CSMD1: variants seen among roughly 807,000 people sequenced by gnomAD.
The protein encoded by CSMD1 is CUB and Sushi multiple domains 1.
Under a neutral mutation model 417.5 loss-of-function variants are expected in CSMD1, and 213 were observed. The observed-to-expected ratio is 0.51, with a 90% CI of 0.46 to 0.57. The LOEUF is 0.57. Among genes scored for constraint, CSMD1 ranks in the 20% least tolerant of loss-of-function variants. The pLI, the probability that CSMD1 is intolerant of heterozygous loss-of-function variation, is 0.00. For missense variants in CSMD1, 6,923 were observed against 4,529.7 expected (o/e 1.53, Z -15.17); for synonymous variants, 2,862 against 1,736.8 (o/e 1.65, Z -16.11).
chr8:3,487,666 A>G (rs893312301), intron 11 of CSMD1, among the ~76,000 whole-genome samples: 2 of 152,168 alleles, frequency 1.3e-5, no homozygotes, highest in East Asian at 3.9e-4. Context: ...TGCCAGATAG[A>G]ATTTTCAAAG....
chr8:4,979,320 T>C (rs935684421), intron 1 of CSMD1, among the ~76,000 whole-genome samples: 5 of 152,194 alleles, frequency 3.3e-5, no homozygotes, highest in African/African-American at 1.2e-4. Flanking sequence ...TTGTAATCCT[T>C]ATGATATTGA....
chr8:3,913,428 A>C (rs1401734766), intron 5 of CSMD1, among the ~76,000 whole-genome samples: 1 of 152,162 alleles, frequency 6.6e-6, no homozygotes, highest in Non-Finnish European at 1.5e-5. Context: ...TGTGTCCCAG[A>C]AGCAACCAGC....
At chr8:3,696,388 T>G (rs1263006327) in intron 7 of CSMD1, among the ~76,000 whole-genome samples, 1 of 152,224 alleles carries the variant, frequency 6.6e-6, no homozygotes, top group Non-Finnish European at 1.5e-5. Flanking sequence ...TACTTTCACA[T>G]ATCTTCAAAC....
Position 4,683,213 on chromosome 8 carries a change from T to C in CSMD1, c.86-45655A>G, listed in dbSNP as rs1207371282. Among the ~76,000 whole-genome samples the C allele has an allele frequency of 2.6e-5, 4 of 152,042 alleles. No individual in the cohort carries two copies. In the East Asian group the frequency reaches 7.7e-4, roughly 29 times the overall value. The stretch of plus-strand genomic sequence containing the variant: ...GTAATATGTTCATGAAACAACTTAG[T>C]ATTACCATGAAGAGTCTAATGATCT... On this transcript the variant is annotated intron_variant, in intron 1 of 69. Transcript: ENST00000635120.
At chr8:4,973,266 A>T (rs1810349773) in intron 1 of CSMD1, among the ~76,000 whole-genome samples, 1 of 152,118 alleles carries the variant, frequency 6.6e-6, no homozygotes, top group Non-Finnish European at 1.5e-5. Context: ...GAGGGCAGGG[A>T]CTTTATCTCA....
chr8:3,374,594 T>C (rs908227695), intron 18 of CSMD1, among the ~76,000 whole-genome samples: 2 of 152,164 alleles, frequency 1.3e-5, no homozygotes, highest in East Asian at 1.9e-4. Flanking sequence ...AAGTGATGAA[T>C]GCACATCCTG....
chr8:3,808,511 AGCAT>A (rs1290128987), intron 5 of CSMD1, among the ~76,000 whole-genome samples: 1 of 152,188 alleles, frequency 6.6e-6, no homozygotes, highest in Non-Finnish European at 1.5e-5. Flanking sequence ...AAAGACTAAG[AGCAT>A]GCTACCGTGG....
intron 41 of CSMD1, among the ~76,000 whole-genome samples, chr8:3,123,998 A>G (rs1358411024): frequency 1.3e-5 from 2 of 152,204 alleles, no homozygotes; most frequent in Non-Finnish European, 2.9e-5. Flanking sequence ...AATAACCTCT[A>G]TGAAAAACAC....
At chr8:3,306,756 G>A (rs890877714) in intron 25 of CSMD1, among the ~76,000 whole-genome samples, 2 of 152,010 alleles carry the variant, frequency 1.3e-5, no homozygotes, top group Non-Finnish European at 2.9e-5. Flanking sequence ...AAATAAAACT[G>A]ATTTTAAAAT....
intron 26 of CSMD1, among the ~76,000 whole-genome samples, chr8:3,271,812 T>A (rs964931420): frequency 6.6e-6 from 1 of 152,180 alleles, no homozygotes; most frequent in South Asian, 2.1e-4. Context: ...TTGAGTTCAT[T>A]ATAGATTGTG....
chr8:3,971,163 T>C (rs989786162), intron 5 of CSMD1, among the ~76,000 whole-genome samples: 1 of 152,112 alleles, frequency 6.6e-6, no homozygotes, highest in Admixed American at 6.5e-5. Flanking sequence ...CGCTGCCTCC[T>C]GGCATGATGG....
At chr8:3,406,275 A>T in intron 14 of CSMD1, 54 bp from the exon 15 acceptor site, 1 of 1,409,578 alleles carries the variant, frequency 7.1e-7, no homozygotes, top group Non-Finnish European at 9.6e-7. Context: ...TATTAATTAC[A>T]TGTATTAAAA....
At chr8:3,696,035 A>C (rs1800533693) in intron 7 of CSMD1, among the ~76,000 whole-genome samples, 2 of 152,116 alleles carry the variant, frequency 1.3e-5, no homozygotes, top group Admixed American at 6.5e-5. Flanking sequence ...GTATATTTGC[A>C]CACGTGCAAA....
chr8:4,331,553 A>C (rs1417430482), intron 3 of CSMD1, among the ~76,000 whole-genome samples: 1 of 152,142 alleles, frequency 6.6e-6, no homozygotes, highest in African/African-American at 2.4e-5. Context: ...GGCAGTATGA[A>C]TTAAATCCAC....
intron 4 of CSMD1, among the ~76,000 whole-genome samples, chr8:4,027,818 G>A (rs576203410): frequency 6.7e-4 from 100 of 150,110 alleles, no homozygotes; most frequent in Middle Eastern, 3.4e-3. Context: ...CACTTGAAAT[G>A]AAGAGTATGA....
chr8:3,173,835 T>C (rs1444617), intron 37 of CSMD1, among the ~76,000 whole-genome samples: 34,776 of 152,152 alleles, frequency 0.23, 4,133 homozygotes, highest in African/African-American at 0.29. Context: ...TTAAAGCATG[T>C]ATTAATAATT....
At chr8:3,347,356 T>C (rs1183865966) in intron 22 of CSMD1, among the ~76,000 whole-genome samples, 4 of 152,192 alleles carry the variant, frequency 2.6e-5, no homozygotes, top group Admixed American at 2.6e-4. Flanking sequence ...GTTAAGGGCA[T>C]TTCTAGTTGG....
intron 2 of CSMD1, among the ~76,000 whole-genome samples, chr8:4,588,002 A>C (rs1348838486): frequency 3.3e-5 from 5 of 152,204 alleles, no homozygotes; most frequent in Admixed American, 6.5e-5. Context: ...TGAATCGTGA[A>C]TGCAGCACCA....
At chr8:3,571,295 C>G (rs971059748) in intron 10 of CSMD1, among the ~76,000 whole-genome samples, 2 of 152,188 alleles carry the variant, frequency 1.3e-5, no homozygotes, top group African/African-American at 4.8e-5. Flanking sequence ...ATTCCATGGA[C>G]TTGGATGGAC....
Sources: gnomAD v4.1 joint callset for allele counts (sites outside exome capture counted in the v4.1 genomes callset) on GRCh38, gnomAD v4.1.1 for gene constraint, MANE v1.5 for transcripts, NCBI Gene and HGNC (gene_info 2026-07-23, HGNC 2026-07-21) for gene names.